IL23R: variants seen among roughly 807,000 people sequenced by gnomAD.
The protein encoded by IL23R is interleukin 23 receptor, also known as interleukin-23 receptor.
A neutral mutation model predicts 56.9 loss-of-function variants in IL23R; 34 were observed. That is an observed-to-expected ratio of 0.60 (90% confidence interval 0.45 to 0.80). IL23R has a LOEUF of 0.80. Ranked by LOEUF, IL23R falls within the 30% of genes least tolerant of loss-of-function variation. The probability of loss-of-function intolerance (pLI) is 0.00; values close to 1 mark genes in which losing one functional copy is unlikely to be tolerated. For synonymous variants in IL23R, 230 were observed against 249.2 expected (o/e 0.92, Z 0.73); for missense variants, 635 against 730.0 (o/e 0.87, Z 1.50).
At chr1:67,221,676 CA>C (rs1260366334) in intron 7 of IL23R, among the ~76,000 whole-genome samples, 3 of 152,134 alleles carry the variant, frequency 2.0e-5, no homozygotes, top group Non-Finnish European at 4.4e-5. Context: ...CTAGATTTAA[CA>C]TTTTCTTTTC....
chr1:67,189,087 A>G (rs1485045998), intron 4 of IL23R, among the ~76,000 whole-genome samples: 1 of 152,044 alleles, frequency 6.6e-6, no homozygotes, highest in Non-Finnish European at 1.5e-5. Flanking sequence ...TAATTTTGGA[A>G]AAATCTAGAA....
chr1:67,240,057 T>C (rs1651752352), intron 8 of IL23R, 122 bp from the exon 9 acceptor site: 1 of 744,546 alleles, frequency 1.3e-6, no homozygotes, highest in African/African-American at 1.7e-5. Flanking sequence ...AAGGTTAATT[T>C]TGCTTCCCCC....
rs3052947 is a variant in IL23R, at chr1:67,218,326, A to ATGTG, written c.799-1218_799-1215dup. ...TATACATATATACACATATATGCAT[A>ATGTG]TGTGTGTGTGTGTGTGTGTGTGTGT... On this transcript the variant is annotated intron_variant, in intron 6 of 10. Transcript: ENST00000347310. Among the ~76,000 whole-genome samples the ATGTG allele has an allele frequency of 6.3e-4, 79 of 124,826 alleles. No individual in the cohort carries two copies. In the Middle Eastern group the frequency reaches 0.013, roughly 20 times the overall value. 81.9% of individuals were successfully genotyped at this position (124,826 alleles called of 152,430 possible).
chr1:67,207,269 G>A (rs906195426), intron 6 of IL23R: 8 of 629,454 alleles, frequency 1.3e-5, no homozygotes, highest in Non-Finnish European at 2.3e-5. Context: ...TATATTGCAT[G>A]GTATTGAGGT....
At chr1:67,205,926 T>TC (rs1553291058) in intron 5 of IL23R, among the ~76,000 whole-genome samples, 145 of 102,526 alleles carry the variant, frequency 1.4e-3, no homozygotes, top group African/African-American at 4.5e-3. Context: ...TTTCTTTCTT[T>TC]TTCTTTCTTT....
intron 9 of IL23R, among the ~76,000 whole-genome samples, chr1:67,246,820 T>C (rs903138077): frequency 2.6e-5 from 4 of 152,204 alleles, no homozygotes; most frequent in Non-Finnish European, 5.9e-5. Flanking sequence ...TGTAGATGTC[T>C]ATAGGTCCCA....
In IL23R at chr1:67,259,000, A is replaced by C. The variant is rs1653101423; in HGVS notation, c.1762A>C (p.Thr588Pro). 3 of 1,614,102 alleles carry C rather than the reference A, an allele frequency of 1.9e-6. 1 individual carries two copies. The highest frequency in any genetic ancestry group is 2.2e-5 in the South Asian group (2 of 91,088). Reference sequence around the variant, plus strand: ...ACCCAGTGAAACTATTCCAGAACAGACCCTGCTTCCTGATGAATTTGTCTC... The same window carrying C: ...ACCCAGTGAAACTATTCCAGAACAGCCCCTGCTTCCTGATGAATTTGTCTC... The part of the protein sequence containing the change: ...DSPSETIPEQ[T>P]LLPDEFVSCL... Residue 588 changes from threonine to proline, a missense_variant, in exon 11 of 11, where the codon ACC (threonine) becomes CCC (proline). Transcript: ENST00000347310.
At chr1:67,216,145 C>T (rs1004595812) in intron 6 of IL23R, among the ~76,000 whole-genome samples, 1 of 152,200 alleles carries the variant, frequency 6.6e-6, no homozygotes, top group Admixed American at 6.5e-5. Context: ...CGGCAATCCA[C>T]ACCTACTTCC....
chr1:67,169,272 T>C, intron 2 of IL23R, 70 bp from the exon 3 acceptor site: 1 of 1,170,590 alleles, frequency 8.5e-7, no homozygotes, highest in Non-Finnish European at 1.3e-6. Context: ...TAAAATGCAA[T>C]AGCATATTCT....
chr1:67,140,872 G>T (rs551177448), intron 1 of IL23R, among the ~76,000 whole-genome samples: 1 of 152,020 alleles, frequency 6.6e-6, no homozygotes, highest in South Asian at 2.1e-4. Flanking sequence ...TCATTTTATA[G>T]ATTAAAAAAT....
chr1:67,160,592 T>G (rs927039682), intron 1 of IL23R, among the ~76,000 whole-genome samples: 58 of 152,336 alleles, frequency 3.8e-4, no homozygotes, highest in African/African-American at 1.3e-3. Context: ...GAATGCACAC[T>G]TACATTATAT....
At chr1:67,211,112 T>C (rs1342487359) in intron 6 of IL23R, among the ~76,000 whole-genome samples, 1 of 152,230 alleles carries the variant, frequency 6.6e-6, no homozygotes, top group Non-Finnish European at 1.5e-5. Context: ...GTTGTTTGCA[T>C]ACACTTAAAT....
At chr1:67,247,002 T>C (rs1009071660) in intron 9 of IL23R, among the ~76,000 whole-genome samples, 1 of 152,252 alleles carries the variant, frequency 6.6e-6, no homozygotes, top group African/African-American at 2.4e-5. Context: ...GCTTCTGTAT[T>C]GGGTGCATAT....
At chr1:67,163,812 C>T (rs765540327), upstream of IL23R, among the ~76,000 whole-genome samples, 19 of 152,268 alleles carry the variant, frequency 1.2e-4, no homozygotes, top group South Asian at 2.1e-4. Flanking sequence ...ATGCTTGCAC[C>T]GGCTATAGAA....
At chr1:67,257,601 C>T (rs1653020966) in intron 10 of IL23R, among the ~76,000 whole-genome samples, 1 of 152,152 alleles carries the variant, frequency 6.6e-6, no homozygotes, top group African/African-American at 2.4e-5. Context: ...GTTGGAAGGC[C>T]TCCAGTCCAT....
intron 1 of IL23R, among the ~76,000 whole-genome samples, chr1:67,150,248 C>CTTTTTTTTTTT (rs552806817): frequency 1.8e-5 from 2 of 110,260 alleles, no homozygotes; most frequent in Non-Finnish European, 3.5e-5. Flanking sequence ...GCATTTCGAA[C>CTTTTTTTTTTT]TTTTTTTTTT....
At chr1:67,157,707 T>C (rs1646781034) in intron 1 of IL23R, among the ~76,000 whole-genome samples, 1 of 152,240 alleles carries the variant, frequency 6.6e-6, no homozygotes, top group South Asian at 2.1e-4. Context: ...ATATTGTATT[T>C]CAGAGTGATC....
In IL23R at chr1:67,228,018, CTTCCTTTCTTTCTTTTCTTTCTTTCT is replaced by C. The variant is rs1558254077; in HGVS notation, c.955+8289_955+8314del. Reference sequence around the variant, plus strand: ...TCTTTCTTTCTTTCTTTCTTTCTTTCTTCCTTTCTTTCTTTTCTTTCTTTCTCTTTCTTTCTTTCTTTCTCTGTCTC... The same window carrying C: ...TCTTTCTTTCTTTCTTTCTTTCTTTCCTTTCTTTCTTTCTTTCTCTGTCTC... On this transcript the variant is annotated intron_variant, in intron 7 of 10. Coordinates refer to ENST00000347310, the MANE Select transcript of IL23R (RefSeq NM_144701.3). Among the ~76,000 whole-genome samples, 15 of 69,904 alleles carry C rather than the reference CTTCCTTTCTTTCTTTTCTTTCTTTCT, an allele frequency of 2.1e-4. 2 individuals carry two copies. The highest frequency in any genetic ancestry group is 8.2e-4 in the African/African-American group (14 of 17,122). The allele number at this position is 69,904 out of a possible 152,430, so 45.9% of individuals were successfully genotyped here. A position where few individuals can be genotyped will look rare whatever the true frequency, so the allele number is the denominator to read the frequency against.
chr1:67,211,827 T>C (rs1444568086), intron 6 of IL23R, among the ~76,000 whole-genome samples: 1 of 152,192 alleles, frequency 6.6e-6, no homozygotes, highest in Non-Finnish European at 1.5e-5. Context: ...TGGTAACAGG[T>C]ACATTTGAGC....
Sources: gnomAD v4.1 joint callset for allele counts (sites outside exome capture counted in the v4.1 genomes callset) on GRCh38, gnomAD v4.1.1 for gene constraint, MANE v1.5 for transcripts, NCBI Gene and HGNC (gene_info 2026-07-23, HGNC 2026-07-21) for gene names.